BBS9: variants seen among roughly 807,000 people sequenced by gnomAD.
The protein encoded by BBS9 is protein PTHB1.
Under a neutral mutation model 117.7 loss-of-function variants are expected in BBS9, and 89 were observed. The observed-to-expected ratio is 0.76, with a 90% confidence interval of 0.64 to 0.90. BBS9 has a LOEUF of 0.90. BBS9 is among the 40% of genes least tolerant of loss of function. The probability of loss-of-function intolerance (pLI) is 0.00; values close to 1 mark genes in which losing one functional copy is unlikely to be tolerated. For missense variants in BBS9, 982 were observed against 1,042.2 expected (o/e 0.94, Z 0.80); for synonymous variants, 379 against 370.9 (o/e 1.02, Z -0.25).
At chr7:33,283,105 T>C (rs1467295822) in intron 9 of BBS9, among the ~76,000 whole-genome samples, 1 of 152,212 alleles carries the variant, frequency 6.6e-6, no homozygotes, top group Non-Finnish European at 1.5e-5. Flanking sequence ...TCCTGAATTA[T>C]CTTGATTCAT....
intron 9 of BBS9, among the ~76,000 whole-genome samples, chr7:33,275,951 T>A (rs566296645): frequency 1.3e-5 from 2 of 152,314 alleles, no homozygotes; most frequent in Admixed American, 1.3e-4. Context: ...TAGCCTGTCA[T>A]TTTATTTTCG....
downstream of BBS9, among the ~76,000 whole-genome samples, chr7:33,606,394 C>CT (rs1459169596): frequency 6.6e-6 from 1 of 152,116 alleles, no homozygotes; most frequent in Non-Finnish European, 1.5e-5. Flanking sequence ...TCTCAACGGC[C>CT]TTGTGATTTA....
At chr7:33,474,445 C>G (rs1841513030) in intron 19 of BBS9, among the ~76,000 whole-genome samples, 1 of 152,180 alleles carries the variant, frequency 6.6e-6, no homozygotes, top group South Asian at 2.1e-4. Context: ...TACAGCTTCA[C>G]TATGGGAAAA....
At chr7:33,470,142 C>G (rs984699452) in intron 19 of BBS9, among the ~76,000 whole-genome samples, 1 of 152,118 alleles carries the variant, frequency 6.6e-6, no homozygotes, top group African/African-American at 2.4e-5. Flanking sequence ...GGCAGGTCCT[C>G]AAGAAGTGCT....
At chr7:33,472,340 ATAT>A (rs1476708925) in intron 19 of BBS9, among the ~76,000 whole-genome samples, 1 of 152,184 alleles carries the variant, frequency 6.6e-6, no homozygotes, top group Non-Finnish European at 1.5e-5. Context: ...TTGTTTTTTG[ATAT>A]TATAGTGGAT....
At chr7:33,430,819 C>T (rs907431153) in intron 19 of BBS9, among the ~76,000 whole-genome samples, 2 of 152,162 alleles carry the variant, frequency 1.3e-5, no homozygotes, top group African/African-American at 4.8e-5. Flanking sequence ...GCTGTTTGCA[C>T]ACTTGGGATT....
At chr7:33,226,534 T>A (rs895741580) in intron 5 of BBS9, among the ~76,000 whole-genome samples, 5 of 152,162 alleles carry the variant, frequency 3.3e-5, no homozygotes, top group Non-Finnish European at 7.4e-5. Flanking sequence ...GCAACTCCAC[T>A]CTGTGTATAT....
intron 5 of BBS9, among the ~76,000 whole-genome samples, chr7:33,207,551 G>A (rs1048206202): frequency 8.7e-6 from 1 of 114,750 alleles, no homozygotes; most frequent in South Asian, 2.7e-4. Flanking sequence ...TTTTTTTTTT[G>A]TTAGCATTTC....
intron 9 of BBS9, among the ~76,000 whole-genome samples, chr7:33,306,316 A>G (rs1027709497): frequency 3.3e-5 from 5 of 152,060 alleles, no homozygotes; most frequent in Non-Finnish European, 1.5e-5. Context: ...CTTAACATAT[A>G]GATGTTAAGT....
chr7:33,235,943 A>G (rs1455483634), intron 5 of BBS9, among the ~76,000 whole-genome samples: 1 of 152,188 alleles, frequency 6.6e-6, no homozygotes, highest in Admixed American at 6.6e-5. Context: ...CTTTAGATAT[A>G]TAGCTCTTTT....
intron 17 of BBS9, among the ~76,000 whole-genome samples, chr7:33,377,095 G>A (rs1268108300): frequency 3.3e-5 from 5 of 152,020 alleles, no homozygotes; most frequent in Non-Finnish European, 7.4e-5. Context: ...ATTGCTTTTG[G>A]TGTCTTTGTC....
At chr7:33,233,299 A>C (rs1282981697) in intron 5 of BBS9, among the ~76,000 whole-genome samples, 4 of 151,702 alleles carry the variant, frequency 2.6e-5, no homozygotes, top group African/African-American at 7.3e-5. Context: ...GTACCATTGC[A>C]ATTTTGAATG....
intron 19 of BBS9, among the ~76,000 whole-genome samples, chr7:33,441,108 G>A (rs1836101505): frequency 6.6e-6 from 1 of 152,148 alleles, no homozygotes; most frequent in Non-Finnish European, 1.5e-5. Context: ...TACTAAGCAT[G>A]AAAGCAATAA....
In BBS9 at chr7:33,550,572, G is replaced by A. The variant is rs140678112; in HGVS notation, c.2521+16396G>A. Among the ~76,000 whole-genome samples, 180 of 152,128 alleles carry A rather than the reference G, an allele frequency of 1.2e-3. 1 individual carries two copies. Among genetic ancestry groups the A allele is most frequent in the African/African-American group, 4.2e-3 (175 of 41,502 alleles). ...TTCTGACACTACTCAGCCACAACAC[G>A]CAAAGATGACGTTCTTTAGAACTGT... On this transcript the variant is annotated intron_variant, in intron 21 of 22. Transcript: ENST00000242067.
chr7:33,577,819 G>A (rs10279298), intron 21 of BBS9, among the ~76,000 whole-genome samples: 52,101 of 152,056 alleles, frequency 0.34, 14,003 homozygotes, highest in African/African-American at 0.75. Context: ...ACCAAACACC[G>A]CATGTTCTCA....
chr7:33,609,329 G>A (rs79779382), downstream of BBS9, among the ~76,000 whole-genome samples: 842 of 152,024 alleles, frequency 5.5e-3, 19 homozygotes, highest in East Asian at 0.084. Flanking sequence ...AATATTTTTC[G>A]AATATGTTCA....
At chr7:33,521,395 A>C (rs1169346971) in intron 20 of BBS9, among the ~76,000 whole-genome samples, 5 of 152,196 alleles carry the variant, frequency 3.3e-5, no homozygotes, top group Non-Finnish European at 7.3e-5. Context: ...GATTTTCCAC[A>C]AAATGGTGTG....
intron 5 of BBS9, among the ~76,000 whole-genome samples, chr7:33,217,557 T>G (rs1419789915): frequency 1.3e-5 from 2 of 152,238 alleles, no homozygotes; most frequent in Non-Finnish European, 2.9e-5. Flanking sequence ...CCATATAATG[T>G]TCATAATACA....
At chr7:33,257,886 A>G (rs1435435461) in intron 6 of BBS9, among the ~76,000 whole-genome samples, 1 of 152,234 alleles carries the variant, frequency 6.6e-6, no homozygotes, top group African/African-American at 2.4e-5. Context: ...TAGGAAAAAT[A>G]CTGGCATGAA....
Sources: gnomAD v4.1 joint callset for allele counts (sites outside exome capture counted in the v4.1 genomes callset) on GRCh38, gnomAD v4.1.1 for gene constraint, MANE v1.5 for transcripts, NCBI Gene and HGNC (gene_info 2026-07-23, HGNC 2026-07-21) for gene names.